Variants in CTNND2 observed in about 807,000 individuals in gnomAD.
The protein encoded by CTNND2 is catenin delta 2.
CTNND2 carries 22 observed loss-of-function variants against 144.4 expected under a neutral mutation model. The ratio of observed to expected loss-of-function variants is 0.15; its 90% confidence interval spans 0.11 to 0.22. The LOEUF (loss-of-function observed/expected upper bound fraction) is 0.22. Among genes scored for constraint, CTNND2 ranks in the 10% least tolerant of loss-of-function variants. The pLI, the probability that CTNND2 is intolerant of heterozygous loss-of-function variation, is 1.00. For synonymous variants in CTNND2, 751 were observed against 695.6 expected (o/e 1.08, Z -1.25); for missense variants, 1,353 against 1,618.8 (o/e 0.84, Z 2.82).
Position 11,293,500 on chromosome 5 carries a change from A to G in CTNND2, c.1628+52872T>C, listed in dbSNP as rs1748582078. On this transcript the variant is annotated intron_variant, in intron 9 of 21. Transcript: ENST00000304623. ...AAACAAAGCTAACATGCTCCACTGC[A>G]CATTTTTACTGTTTCTTTTATAATG... is the stretch of plus-strand genomic sequence containing the variant. Among the ~76,000 whole-genome samples, 4 of 152,286 alleles carry G rather than the reference A, an allele frequency of 2.6e-5. No homozygotes were observed. In the South Asian group the frequency reaches 8.3e-4, roughly 32 times the overall value.
chr5:11,568,469 T>G (rs1360093950), intron 2 of CTNND2, among the ~76,000 whole-genome samples: 1 of 152,228 alleles, frequency 6.6e-6, no homozygotes, highest in Non-Finnish European at 1.5e-5. Context: ...TCTGTCAAGA[T>G]GTAACCACCC....
At chr5:11,601,871 T>G (rs1052191381) in intron 2 of CTNND2, among the ~76,000 whole-genome samples, 2 of 152,130 alleles carry the variant, frequency 1.3e-5, no homozygotes, top group African/African-American at 2.4e-5. Flanking sequence ...GGTACTTAGG[T>G]ACTGCTCATT....
intron 3 of CTNND2, among the ~76,000 whole-genome samples, chr5:11,442,311 A>AT (rs1176600580): frequency 1.3e-5 from 2 of 152,206 alleles, no homozygotes; most frequent in African/African-American, 2.4e-5. Context: ...ATATAGATAT[A>AT]TTTTTAGTAG....
At chr5:10,997,971 T>C (rs1394335365) in intron 18 of CTNND2, among the ~76,000 whole-genome samples, 2 of 152,212 alleles carry the variant, frequency 1.3e-5, no homozygotes, top group African/African-American at 4.8e-5. Context: ...ATGCAGGTGA[T>C]TGGAGATATG....
At chr5:11,330,708 A>G (rs1753046663) in intron 9 of CTNND2, among the ~76,000 whole-genome samples, 1 of 150,848 alleles carries the variant, frequency 6.6e-6, no homozygotes, top group Non-Finnish European at 1.5e-5. Flanking sequence ...ACTTGAACTG[A>G]GGAGGCAGAG....
chr5:11,315,256 T>A (rs2150058945), intron 9 of CTNND2, among the ~76,000 whole-genome samples: 1 of 152,342 alleles, frequency 6.6e-6, no homozygotes, highest in African/African-American at 2.4e-5. Flanking sequence ...GCAACTGATG[T>A]AATGCTGAGC....
intron 14 of CTNND2, among the ~76,000 whole-genome samples, 156 bp from the exon 15 acceptor site, chr5:11,098,904 T>C (rs1751612411): frequency 6.6e-6 from 1 of 152,180 alleles, no homozygotes; most frequent in South Asian, 2.1e-4. Flanking sequence ...AGTCCAGGGA[T>C]CACTAAAAGT....
At chr5:11,390,155 T>C (rs899130472) in intron 6 of CTNND2, among the ~76,000 whole-genome samples, 3 of 152,202 alleles carry the variant, frequency 2.0e-5, no homozygotes, top group African/African-American at 7.2e-5. Flanking sequence ...TATGGAGTAT[T>C]TTACTTTGAT....
At chr5:11,049,529 A>G (rs528874966) in intron 16 of CTNND2, among the ~76,000 whole-genome samples, 67 of 152,286 alleles carry the variant, frequency 4.4e-4, no homozygotes, top group Admixed American at 1.8e-3. Context: ...AGTGCCAAGG[A>G]AATATCACCC....
chr5:11,193,504 A>G (rs962691739), intron 11 of CTNND2, among the ~76,000 whole-genome samples: 9 of 152,174 alleles, frequency 5.9e-5, no homozygotes, highest in African/African-American at 2.2e-4. Flanking sequence ...GTACCTGGAC[A>G]TTATTTGGAA....
chr5:11,204,438 T>C (rs924838345), intron 10 of CTNND2, among the ~76,000 whole-genome samples: 5 of 152,242 alleles, frequency 3.3e-5, no homozygotes, highest in African/African-American at 7.2e-5. Flanking sequence ...GCAGTGGGTA[T>C]CTTCCTTGTT....
chr5:11,880,434 C>G (rs1426192590), intron 1 of CTNND2, among the ~76,000 whole-genome samples: 1 of 151,380 alleles, frequency 6.6e-6, no homozygotes, highest in African/African-American at 2.4e-5. Context: ...TATCACAAGT[C>G]AGGTGTGGGG....
chr5:11,601,104 G>A (rs944043298), intron 2 of CTNND2, among the ~76,000 whole-genome samples: 8 of 152,062 alleles, frequency 5.3e-5, no homozygotes, highest in Admixed American at 3.9e-4. Context: ...CCATATCTCT[G>A]AATGTATAAC....
intron 1 of CTNND2, among the ~76,000 whole-genome samples, chr5:11,877,816 C>G (rs951864752): frequency 6.6e-6 from 1 of 152,002 alleles, no homozygotes; most frequent in Non-Finnish European, 1.5e-5. Flanking sequence ...GACAAAAAGA[C>G]TTTTCTTTCA....
intron 15 of CTNND2, among the ~76,000 whole-genome samples, chr5:11,088,634 G>A (rs910473628): frequency 6.6e-6 from 1 of 152,120 alleles, no homozygotes; most frequent in African/African-American, 2.4e-5. Flanking sequence ...GATATGGGGA[G>A]GGAGAAATCT....
intron 15 of CTNND2, among the ~76,000 whole-genome samples, chr5:11,090,816 T>G (rs1029166039): frequency 4.6e-5 from 7 of 151,976 alleles, no homozygotes; most frequent in African/African-American, 1.7e-4. Context: ...CTTTTTTTTT[T>G]AGTGCTTTAT....
At chr5:11,380,982 C>T (rs1247005070) in intron 7 of CTNND2, among the ~76,000 whole-genome samples, 3 of 152,134 alleles carry the variant, frequency 2.0e-5, no homozygotes, top group Admixed American at 2.0e-4. Flanking sequence ...ACTCCCAGAC[C>T]ACCCGGTCCC....
At chr5:11,139,835 G>T (rs949449604) in intron 12 of CTNND2, among the ~76,000 whole-genome samples, 1 of 152,216 alleles carries the variant, frequency 6.6e-6, no homozygotes, top group African/African-American at 2.4e-5. Context: ...AAATCAAGGT[G>T]TTGGCTGTGT....
intron 2 of CTNND2, among the ~76,000 whole-genome samples, chr5:11,723,253 C>CA (rs1401730611): frequency 4.7e-5 from 7 of 148,298 alleles, no homozygotes; most frequent in Non-Finnish European, 9.0e-5. Flanking sequence ...AGTCTAGTTT[C>CA]AAAAAAAAAG....
Sources: allele counts gnomAD v4.1 joint callset (sites outside exome capture counted in the v4.1 genomes callset), GRCh38; gene constraint gnomAD v4.1.1; transcripts MANE v1.5; gene names NCBI Gene and HGNC (gene_info 2026-07-23, HGNC 2026-07-21).